The following GPM6A variants were observed in gnomAD, a reference collection of about 807,000 sequenced individuals.
GPM6A encodes glycoprotein M6A.
A neutral mutation model predicts 32.1 loss-of-function variants in GPM6A; 7 were observed. The observed-to-expected ratio is 0.22, with a 90% CI of 0.12 to 0.41. The LOEUF (loss-of-function observed/expected upper bound fraction) is 0.41, where lower values mean the gene tolerates loss of function less well. Among genes scored for constraint, GPM6A ranks in the 10% least tolerant of loss-of-function variants. The pLI is 1.00. For synonymous variants in GPM6A, 130 were observed against 123.4 expected (o/e 1.05, Z -0.35); for missense variants, 235 against 347.2 (o/e 0.68, Z 2.57).
rs33998725 is a variant in GPM6A, at chr4:175,670,861, A to ATTTTTT, written c.387+2813_387+2818dup. 4.7e-4 allele frequency among the ~76,000 whole-genome samples: 58 copies of ATTTTTT among 124,164 alleles called. 2 individuals are homozygous for ATTTTTT. Among genetic ancestry groups the ATTTTTT allele is most frequent in the Non-Finnish European group, 8.5e-4 (50 of 58,992 alleles). The allele number at this position is 124,164 out of a possible 152,430, so 81.5% of individuals were successfully genotyped here. ...CCATTCAGTGATACAATGTTGCTTC[A>ATTTTTT]TTTTTTTTTTTTTTTTTTTTGAGAC... On this transcript the variant is annotated intron_variant, in intron 3 of 6. Coordinates refer to ENST00000393658, the MANE Select transcript of GPM6A (RefSeq NM_201591.3).
At chr4:175,763,383 A>G (rs761251295) in intron 1 of GPM6A, among the ~76,000 whole-genome samples, 2 of 152,180 alleles carry the variant, frequency 1.3e-5, no homozygotes, top group African/African-American at 2.4e-5. Context: ...ATTAGTTTCC[A>G]TCCTGTGATT....
intron 1 of GPM6A, among the ~76,000 whole-genome samples, chr4:175,931,709 C>CACACACACATATATAT (rs1324269132): frequency 7.7e-6 from 1 of 129,298 alleles, no homozygotes; most frequent in African/African-American, 2.9e-5. Flanking sequence ...CACACACACA[C>CACACACACATATATAT]ATATATATAT....
intron 1 of GPM6A, among the ~76,000 whole-genome samples, chr4:175,938,259 A>G (rs1739299979): frequency 6.6e-6 from 1 of 152,170 alleles, no homozygotes; most frequent in East Asian, 1.9e-4. Flanking sequence ...CATAGAAATA[A>G]CAAATACTCC....
At chr4:175,902,419 C>A (rs2111493115) in intron 1 of GPM6A, among the ~76,000 whole-genome samples, 1 of 152,264 alleles carries the variant, frequency 6.6e-6, no homozygotes, top group African/African-American at 2.4e-5. Flanking sequence ...AAGTTAGAAG[C>A]TTGCATGGAT....
chr4:175,884,435 C>G (rs1737384823), intron 1 of GPM6A, among the ~76,000 whole-genome samples: 1 of 151,982 alleles, frequency 6.6e-6, no homozygotes, highest in Non-Finnish European at 1.5e-5. Context: ...TACAATAGAA[C>G]AAAGAAATAA....
chr4:175,694,804 A>T (rs1235804137), intron 2 of GPM6A, among the ~76,000 whole-genome samples: 6 of 151,852 alleles, frequency 4.0e-5, no homozygotes, highest in Non-Finnish European at 7.4e-5. Context: ...ACAATGGGGA[A>T]TAGGCCTCAA....
intron 1 of GPM6A, among the ~76,000 whole-genome samples, chr4:175,976,993 C>G (rs1433706675): frequency 5.3e-5 from 8 of 152,172 alleles, no homozygotes; most frequent in Non-Finnish European, 4.4e-5. Context: ...CTATTGGAAA[C>G]TATCCAGATC....
chr4:175,647,557 T>C (rs545095287), intron 4 of GPM6A, among the ~76,000 whole-genome samples: 5 of 152,286 alleles, frequency 3.3e-5, no homozygotes, highest in African/African-American at 9.6e-5. Context: ...TGCATGGGAA[T>C]GAACAGTAAG....
chr4:175,811,998 C>A, intron 1 of GPM6A, 193 bp downstream of exon 1: 1 of 527,604 alleles, frequency 1.9e-6, no homozygotes, highest in Non-Finnish European at 3.4e-6. Flanking sequence ...GTACTTATAT[C>A]TGAAAGATTT....
intron 1 of GPM6A, among the ~76,000 whole-genome samples, chr4:175,893,227 G>C (rs750242924): frequency 1.3e-5 from 2 of 152,146 alleles, no homozygotes; most frequent in Non-Finnish European, 2.9e-5. Context: ...ACTGTGGCAG[G>C]CTTTTATTAA....
At chr4:175,986,821 C>T (rs907137185) in intron 1 of GPM6A, among the ~76,000 whole-genome samples, 2 of 152,276 alleles carry the variant, frequency 1.3e-5, no homozygotes, top group East Asian at 1.9e-4. Context: ...CCTAATTGAG[C>T]TCTTGTTGAT....
chr4:175,836,556 TAGACAGGTTGGCCAAGGA>T (rs1735774434), intron 1 of GPM6A, among the ~76,000 whole-genome samples: 1 of 152,166 alleles, frequency 6.6e-6, no homozygotes, highest in African/African-American at 2.4e-5. Context: ...GTAAAAGTTT[TAGACAGGTTGGCCAAGGA>T]AGACAACAAT....
At chr4:175,763,181 T>A (rs1474996951) in intron 1 of GPM6A, among the ~76,000 whole-genome samples, 1 of 152,200 alleles carries the variant, frequency 6.6e-6, no homozygotes, top group East Asian at 1.9e-4. Context: ...GTATTTCAGA[T>A]TTTTATATTT....
At chr4:175,986,926 A>T (rs1362937366) in intron 1 of GPM6A, among the ~76,000 whole-genome samples, 1 of 152,142 alleles carries the variant, frequency 6.6e-6, no homozygotes, top group Non-Finnish European at 1.5e-5. Context: ...TATTTTATTC[A>T]TACTACTCCT....
intron 2 of GPM6A, among the ~76,000 whole-genome samples, chr4:175,688,957 A>G (rs770171712): frequency 6.6e-6 from 1 of 152,140 alleles, no homozygotes; most frequent in Non-Finnish European, 1.5e-5. Flanking sequence ...GGCTCAAGAG[A>G]TCCTCCAGTC....
chr4:175,889,112 T>G (rs1456398367), intron 1 of GPM6A, among the ~76,000 whole-genome samples: 2 of 152,132 alleles, frequency 1.3e-5, no homozygotes, highest in East Asian at 1.9e-4. Context: ...ATTCAAATTA[T>G]GCACACATAC....
At chr4:175,830,056 T>C (rs1176344789) in intron 1 of GPM6A, among the ~76,000 whole-genome samples, 1 of 151,900 alleles carries the variant, frequency 6.6e-6, no homozygotes, top group Non-Finnish European at 1.5e-5. Flanking sequence ...TGCCACTGAT[T>C]TGAGGCAGGG....
At chr4:175,818,932 G>C (rs1735193982) in intron 1 of GPM6A, among the ~76,000 whole-genome samples, 1 of 152,152 alleles carries the variant, frequency 6.6e-6, no homozygotes, top group Admixed American at 6.5e-5. Context: ...AGGGGAGACA[G>C]AAAAATTCAA....
At chr4:175,752,888 C>T (rs1365449141) in intron 1 of GPM6A, among the ~76,000 whole-genome samples, 8 of 152,124 alleles carry the variant, frequency 5.3e-5, no homozygotes, top group African/African-American at 7.2e-5. Flanking sequence ...GAGAGTGAGA[C>T]GACTCTGTCC....
Sources: gnomAD v4.1 joint callset for allele counts (sites outside exome capture counted in the v4.1 genomes callset) on GRCh38, gnomAD v4.1.1 for gene constraint, MANE v1.5 for transcripts, NCBI Gene and HGNC (gene_info 2026-07-23, HGNC 2026-07-21) for gene names.